Variants in ASAP2 observed in about 807,000 individuals in gnomAD.
ASAP2 encodes the protein arf-GAP with SH3 domain, ANK repeat and PH domain-containing protein 2.
A neutral mutation model predicts 131.4 loss-of-function variants in ASAP2; 45 were observed. That is an observed-to-expected ratio of 0.34 (90% CI 0.27 to 0.44). The LOEUF (loss-of-function observed/expected upper bound fraction) is 0.44, where lower values mean the gene tolerates loss of function less well. ASAP2 is among the 20% of genes least tolerant of loss of function. ASAP2 has a pLI of 1.00. For missense variants in ASAP2, 1,011 were observed against 1,297.0 expected, an observed-to-expected ratio of 0.78 and a Z score of 3.39; for synonymous variants, 510 against 503.0, an observed-to-expected ratio of 1.01 and a Z score of -0.19.
chr2:9,380,490 G>T (rs943876938), intron 19 of ASAP2, among the ~76,000 whole-genome samples: 1 of 152,106 alleles, frequency 6.6e-6, no homozygotes, highest in East Asian at 1.9e-4. Context: ...GAGCCACTGC[G>T]CCTGGCCAGT....
chr2:9,397,727 G>GAGAT (rs897153464), intron 24 of ASAP2, among the ~76,000 whole-genome samples: 23 of 83,514 alleles, frequency 2.8e-4, no homozygotes, highest in African/African-American at 8.5e-4. Flanking sequence ...AAATCAAAAG[G>GAGAT]ATATATATAT....
intron 1 of ASAP2, among the ~76,000 whole-genome samples, chr2:9,211,778 T>G (rs1322228818): frequency 6.6e-6 from 1 of 152,212 alleles, no homozygotes; most frequent in Non-Finnish European, 1.5e-5. Flanking sequence ...CAGGGCTACG[T>G]GCTTTTTGGC....
chr2:9,300,044 C>T (rs986824081), intron 3 of ASAP2, among the ~76,000 whole-genome samples: 1 of 152,190 alleles, frequency 6.6e-6, no homozygotes, highest in African/African-American at 2.4e-5. Flanking sequence ...CCAGCCTGGG[C>T]AACATGGGGA....
At chr2:9,346,315 A>G (rs1258108999) in intron 11 of ASAP2, among the ~76,000 whole-genome samples, 1 of 152,032 alleles carries the variant, frequency 6.6e-6, no homozygotes, top group Non-Finnish European at 1.5e-5. Context: ...TATCCCAGCA[A>G]CTTGGGAGGA....
At chr2:9,346,341 C>T (rs1190143947) in intron 11 of ASAP2, among the ~76,000 whole-genome samples, 1 of 150,706 alleles carries the variant, frequency 6.6e-6, no homozygotes, top group Admixed American at 6.6e-5. Context: ...TTGCTTGAGG[C>T]AGGAGAATTG....
rs565057899 is a variant in ASAP2, at chr2:9,294,519, T to C, written c.200-2781T>C. Among the ~76,000 whole-genome samples, 10 of 152,264 alleles carry C rather than the reference T, an allele frequency of 6.6e-5. No homozygotes were observed. The South Asian group carries it at 1.5e-3, about 22-fold the overall frequency. On this transcript the variant is annotated intron_variant, in intron 2 of 27. Transcript: ENST00000281419. ...AAAGTGCACCGATCCTCCTACCAACTCTATGGTCTGGGGCAGGTGACATGA... is the reference window on the plus strand; with the variant it reads ...AAAGTGCACCGATCCTCCTACCAACCCTATGGTCTGGGGCAGGTGACATGA...
intron 15 of ASAP2, among the ~76,000 whole-genome samples, chr2:9,366,451 T>C (rs1271308805): frequency 2.6e-5 from 4 of 152,180 alleles, no homozygotes; most frequent in Admixed American, 2.6e-4. Flanking sequence ...GGGGACAGTG[T>C]CCTGCTTGGA....
At chr2:9,301,151 G>A (rs1191513638) in intron 3 of ASAP2, among the ~76,000 whole-genome samples, 4 of 152,038 alleles carry the variant, frequency 2.6e-5, no homozygotes, top group Admixed American at 6.6e-5. Flanking sequence ...GCTTTCCCTC[G>A]GGCATTTAAA....
intron 3 of ASAP2, among the ~76,000 whole-genome samples, chr2:9,309,302 A>G (rs1039314524): frequency 6.6e-6 from 1 of 152,206 alleles, no homozygotes; most frequent in Non-Finnish European, 1.5e-5. Context: ...AAAGAAGTGA[A>G]CTACTGGTAC....
chr2:9,251,355 G>A (rs1664692831), intron 1 of ASAP2, among the ~76,000 whole-genome samples: 1 of 152,060 alleles, frequency 6.6e-6, no homozygotes, highest in Non-Finnish European at 1.5e-5. Flanking sequence ...TGGTACTCAC[G>A]TGTAACAGCC....
chr2:9,295,281 C>T (rs1334400234), intron 2 of ASAP2, among the ~76,000 whole-genome samples: 2 of 152,114 alleles, frequency 1.3e-5, no homozygotes, highest in Admixed American at 1.3e-4. Context: ...TTCTGTGTTT[C>T]CTTGGATGAA....
chr2:9,220,275 C>T (rs945793657), intron 1 of ASAP2, among the ~76,000 whole-genome samples: 2 of 152,150 alleles, frequency 1.3e-5, no homozygotes, highest in African/African-American at 4.8e-5. Flanking sequence ...TTTTTAAAGT[C>T]AGTTTAACTT....
intron 2 of ASAP2, among the ~76,000 whole-genome samples, chr2:9,295,544 C>T (rs565524642): frequency 6.6e-6 from 1 of 152,158 alleles, no homozygotes; most frequent in Non-Finnish European, 1.5e-5. Flanking sequence ...TAGCTGACGC[C>T]GCAGGCCCAG....
intron 18 of ASAP2, 30 bp downstream of exon 18, chr2:9,377,023 C>G: frequency 6.3e-7 from 1 of 1,576,532 alleles, no homozygotes; most frequent in Non-Finnish European, 8.7e-7. Context: ...GGGAGGCACT[C>G]GTTTTCTCCT....
chr2:9,243,365 C>T (rs575907486), intron 1 of ASAP2, among the ~76,000 whole-genome samples: 9 of 152,308 alleles, frequency 5.9e-5, no homozygotes, highest in East Asian at 1.9e-4. Flanking sequence ...ACCTCGGCCT[C>T]GCAAAGTGCT....
intron 3 of ASAP2, among the ~76,000 whole-genome samples, chr2:9,316,208 G>C (rs1442141698): frequency 6.6e-6 from 1 of 151,924 alleles, no homozygotes; most frequent in African/African-American, 2.4e-5. Context: ...TATAGTCCCA[G>C]CTACTCAGGA....
chr2:9,402,188 C>G (rs2148837176), intron 27 of ASAP2, among the ~76,000 whole-genome samples: 1 of 152,322 alleles, frequency 6.6e-6, no homozygotes, highest in East Asian at 1.9e-4. Context: ...TAGTCACTGT[C>G]CCTCCCAGAA....
chr2:9,384,938 G>C (rs1675149532), intron 20 of ASAP2, among the ~76,000 whole-genome samples: 1 of 152,248 alleles, frequency 6.6e-6, no homozygotes, highest in African/African-American at 2.4e-5. Context: ...GAGAGATTCT[G>C]TCTCCTGAGG....
Position 9,311,337 on chromosome 2 carries a change from C to G in ASAP2, c.346-7187C>G, listed in dbSNP as rs1416852160. Among the ~76,000 whole-genome samples the G allele has an allele frequency of 6.6e-6, 1 of 151,382 alleles. No individual in the cohort carries two copies. Among genetic ancestry groups the G allele is most frequent in the Non-Finnish European group, 1.5e-5 (1 of 67,910 alleles). ...CACTGGAGCCCCACTGTGCTCCATC[C>G]TGGGTGAGAGGCACTCTCTCAAAAA... On this transcript the variant is annotated intron_variant, in intron 3 of 27. Transcript: ENST00000281419. The surrounding 1 kb of genome is among the most constrained non-coding windows in gnomAD (Gnocchi z 5.2).
Sources: gnomAD v4.1 joint callset for allele counts (sites outside exome capture counted in the v4.1 genomes callset) on GRCh38, gnomAD v4.1.1 for gene constraint, Gnocchi (gnomAD v3.1) non-coding constraint, MANE v1.5 for transcripts, NCBI Gene and HGNC (gene_info 2026-07-23, HGNC 2026-07-21) for gene names.